Variants in CPSF4L observed in about 807,000 individuals in gnomAD.
CPSF4L encodes putative cleavage and polyadenylation specificity factor subunit 4-like protein.
CPSF4L carries 18 observed loss-of-function variants against 24.0 expected under a neutral mutation model. The ratio of observed to expected loss-of-function variants is 0.75; its 90% CI spans 0.52 to 1.11. The LOEUF (loss-of-function observed/expected upper bound fraction) is 1.11. Among genes scored for constraint, CPSF4L ranks in the 50% least tolerant of loss-of-function variants. CPSF4L has a pLI of 0.00. For synonymous variants in CPSF4L, 72 were observed against 77.2 expected (o/e 0.93, Z 0.35); for missense variants, 211 against 221.8 (o/e 0.95, Z 0.31).
rs996774845 is a variant in CPSF4L at position 73,260,980 on chromosome 17, G to A, written c.107C>T (p.Ser36Leu). The change falls in exon 2 of 6, where the codon TCG becomes TTG. Residue 36 changes from serine to leucine, a missense_variant. Physicochemically the swap from Ser to Leu is moderately radical, Grantham distance 145. Transcript: ENST00000344935. ...GAAGAAGTTGCACACAGCTGAGGCCGACTCTGGAAGGAGAAGAGGGAACGG... is the reference window on the plus strand; with the variant it reads ...GAAGAAGTTGCACACAGCTGAGGCCAACTCTGGAAGGAGAAGAGGGAACGG... The part of the protein sequence containing the change: ...GLLPFQGMDK[S>L]ASAVCNFFTK... 27 of 1,549,946 alleles carry A rather than the reference G, an allele frequency of 1.7e-5. No individual in the cohort carries two copies. The highest frequency in any genetic ancestry group is 2.2e-5 in the Non-Finnish European group (25 of 1,145,952).
At chr17:73,254,121 A>T (rs1198917279) in intron 3 of CPSF4L, 95 bp from the exon 4 acceptor site, 4 of 886,266 alleles carry the variant, frequency 4.5e-6, no homozygotes, top group Non-Finnish European at 5.4e-6. Context: ...CAAACACAGA[A>T]GACACTGGCC....
the CPSF4L span, among the ~76,000 whole-genome samples, chr17:73,242,556 C>T: frequency 6.6e-6 from 1 of 152,268 alleles, no homozygotes; most frequent in South Asian, 2.1e-4. Context: ...ACCATTTATT[C>T]AACAGCTTGT....
chr17:73,260,646 A>G (rs2062041542), intron 2 of CPSF4L, among the ~76,000 whole-genome samples: 2 of 152,168 alleles, frequency 1.3e-5, no homozygotes, highest in Non-Finnish European at 2.9e-5. Flanking sequence ...ATGCACCTGT[A>G]GTTCCAGTTA....
chr17:73,261,978 G>A, upstream of CPSF4L: 1 of 615,680 alleles, frequency 1.6e-6, no homozygotes, highest in Non-Finnish European at 2.9e-6. Flanking sequence ...AGCCTGGGCT[G>A]TACAGGAGCA....
At chr17:73,258,737 G>T (rs894635796) in intron 2 of CPSF4L, among the ~76,000 whole-genome samples, 1 of 152,198 alleles carries the variant, frequency 6.6e-6, no homozygotes, top group Non-Finnish European at 1.5e-5. Context: ...CATTCCCAGA[G>T]TGCCTAACAC....
At chr17:73,260,741 T>C (rs2062041927) in intron 2 of CPSF4L, among the ~76,000 whole-genome samples, 192 bp downstream of exon 2, 1 of 152,198 alleles carries the variant, frequency 6.6e-6, no homozygotes. Flanking sequence ...CACTCTAGCC[T>C]GGGCAACAGA....
intron 5 of CPSF4L, among the ~76,000 whole-genome samples, chr17:73,249,418 T>G (rs1469414832): frequency 6.6e-6 from 1 of 152,200 alleles, no homozygotes; most frequent in Non-Finnish European, 1.5e-5. Context: ...GTGATTTGCC[T>G]ACGTAGCTCT....
chr17:73,245,569 T>C (rs967068144), downstream of CPSF4L: 36 of 985,328 alleles, frequency 3.7e-5, no homozygotes, highest in Admixed American at 6.1e-5. Context: ...CTATATGAGA[T>C]ACCAGACTAC....
downstream of CPSF4L, chr17:73,247,858 C>T (rs2061973525): frequency 6.4e-6 from 1 of 155,222 alleles, no homozygotes; most frequent in Admixed American, 6.3e-5. Flanking sequence ...GGAAACATCT[C>T]CACATTCTGG....
chr17:73,247,491 A>C (rs2061968658), downstream of CPSF4L: 1 of 680,108 alleles, frequency 1.5e-6, no homozygotes, highest in African/African-American at 1.8e-5. Context: ...GAGCATTTGT[A>C]TCACTGCTAT....
At chr17:73,261,959 G>T (rs1199561703), upstream of CPSF4L, 1 of 647,384 alleles carries the variant, frequency 1.5e-6, no homozygotes, top group Non-Finnish European at 2.7e-6. Context: ...TGACTGCAGG[G>T]GACGCTCCAG....
chr17:73,255,797 A>G (rs2062022915), intron 3 of CPSF4L, among the ~76,000 whole-genome samples: 1 of 152,082 alleles, frequency 6.6e-6, no homozygotes, highest in South Asian at 2.1e-4. Context: ...GAGATAACAG[A>G]AAGTCATCTA....
downstream of CPSF4L, chr17:73,247,588 T>C (rs1319043279): frequency 4.7e-6 from 2 of 428,948 alleles, no homozygotes; most frequent in East Asian, 8.6e-5. Context: ...TTTATATCCC[T>C]GAAAATAAGT....
chr17:73,256,882 C>G (rs917285755), intron 3 of CPSF4L, among the ~76,000 whole-genome samples: 11 of 152,210 alleles, frequency 7.2e-5, no homozygotes, highest in South Asian at 6.2e-4. Flanking sequence ...TAAAAATTAG[C>G]CGGGCATGTT....
intron 1 of CPSF4L, 61 bp downstream of exon 1, chr17:73,261,655 C>T (rs772543455): frequency 1.4e-4 from 163 of 1,153,480 alleles, no homozygotes; most frequent in South Asian, 4.9e-4. Flanking sequence ...AGCGAGACTC[C>T]GTCTCAAAGA....
chr17:73,243,044 T>G, the CPSF4L span: 1 of 1,458,788 alleles, frequency 6.9e-7, no homozygotes, highest in Non-Finnish European at 9.5e-7. Context: ...ACAGGTCCCA[T>G]TCCGTTATGT....
At chr17:73,261,523 T>G (rs1355121483) in intron 1 of CPSF4L, among the ~76,000 whole-genome samples, 193 bp downstream of exon 1, 2 of 152,068 alleles carry the variant, frequency 1.3e-5, no homozygotes, top group Admixed American at 1.3e-4. Flanking sequence ...CAGCTGGGCG[T>G]GGTGGCGGGC....
intron 1 of CPSF4L, 123 bp downstream of exon 1, chr17:73,261,593 A>G (rs539976213): frequency 4.3e-5 from 30 of 700,222 alleles, no homozygotes; most frequent in Middle Eastern, 4.0e-4. Flanking sequence ...CCCAGGAGGC[A>G]GAGCTTGCAA....
intron 2 of CPSF4L, among the ~76,000 whole-genome samples, chr17:73,259,315 TG>T (rs1402378663): frequency 2.6e-5 from 4 of 151,694 alleles, no homozygotes; most frequent in Admixed American, 6.6e-5. Flanking sequence ...TGACATAATT[TG>T]GGGGCTAGGG....
Sources: allele counts gnomAD v4.1 joint callset (sites outside exome capture counted in the v4.1 genomes callset), GRCh38; gene constraint gnomAD v4.1.1; transcripts MANE v1.5; gene names NCBI Gene and HGNC (gene_info 2026-07-23, HGNC 2026-07-21).